Variants in TMEM39A observed in about 807,000 individuals in gnomAD.
TMEM39A encodes suppressor of SQST-1 aggregates in rpl-43 mutants.
TMEM39A carries 19 observed loss-of-function variants against 51.9 expected under a neutral mutation model. That is an observed-to-expected ratio of 0.37 (90% CI 0.26 to 0.54). The LOEUF (loss-of-function observed/expected upper bound fraction) is 0.54. Among genes scored for constraint, TMEM39A ranks in the 20% least tolerant of loss-of-function variants. TMEM39A has a pLI of 0.88. For missense variants in TMEM39A, 433 were observed against 590.5 expected (o/e 0.73, Z 2.76); for synonymous variants, 197 against 220.2 (o/e 0.89, Z 0.93).
At chr3:119,446,798 T>G (rs925011488) in intron 5 of TMEM39A, 9 of 485,632 alleles carry the variant, frequency 1.9e-5, no homozygotes, top group African/African-American at 1.6e-4. Flanking sequence ...CACCCTACAT[T>G]CCAGGTTTCC....
rs993104349 is a variant in TMEM39A at position 119,457,034 on chromosome 3, G to A, written c.336+984C>T. Among the ~76,000 whole-genome samples the A allele has an allele frequency of 2.7e-4, 40 of 149,836 alleles. 1 individual carries two copies. The highest frequency in any genetic ancestry group is 7.4e-4 in the Admixed American group (11 of 14,926). Reference sequence around the variant, plus strand: ...CGCCCAGGCTGGAGTGCAGCGGCTCGATTTCGGCTCACTGCAAGCTCCACC... The same window carrying A: ...CGCCCAGGCTGGAGTGCAGCGGCTCAATTTCGGCTCACTGCAAGCTCCACC... On this transcript the variant is annotated intron_variant, in intron 3 of 8. Transcript: ENST00000319172.
chr3:119,435,433 AC>A (rs2080955526), intron 7 of TMEM39A: 2 of 983,758 alleles, frequency 2.0e-6, no homozygotes, highest in African/African-American at 3.5e-5. Flanking sequence ...TACATCTCAC[AC>A]ACACACACAG....
intron 3 of TMEM39A, among the ~76,000 whole-genome samples, chr3:119,454,192 G>T (rs752719901): frequency 6.6e-6 from 1 of 152,180 alleles, no homozygotes; most frequent in Non-Finnish European, 1.5e-5. Context: ...CTTTTAATTC[G>T]AGTGAAAAAT....
At chr3:119,439,882 C>T (rs547720759) in intron 5 of TMEM39A, among the ~76,000 whole-genome samples, 1 of 152,232 alleles carries the variant, frequency 6.6e-6, no homozygotes, top group South Asian at 2.1e-4. Context: ...ATTCTCCCGC[C>T]TCAGCCTCCT....
chr3:119,432,218 T>G lies in TMEM39A; in HGVS notation c.1234-4A>C. On this transcript the variant is annotated splice_region_variant and splice_polypyrimidine_tract_variant and intron_variant, in intron 8 of 8. Coordinates refer to ENST00000319172, the MANE Select transcript of TMEM39A (RefSeq NM_018266.3). Reference sequence around the variant, plus strand: ...TTAATGGTCGATGAAATAAGAACTGTAAGGAAGTTAAAAAAGTAAAACATT... The same window carrying G: ...TTAATGGTCGATGAAATAAGAACTGGAAGGAAGTTAAAAAAGTAAAACATT... 6.3e-7 allele frequency: 1 copy of G among 1,589,520 alleles called. No individual in the cohort carries two copies. The highest frequency in any genetic ancestry group is 8.6e-7 in the Non-Finnish European group (1 of 1,164,570).
chr3:119,434,228 A>G (rs2080938363), intron 8 of TMEM39A, among the ~76,000 whole-genome samples: 1 of 152,168 alleles, frequency 6.6e-6, no homozygotes, highest in South Asian at 2.1e-4. Context: ...AATGGAATGT[A>G]GTGGGTTTCT....
intron 4 of TMEM39A, among the ~76,000 whole-genome samples, chr3:119,451,713 C>T (rs1220029191): frequency 2.0e-5 from 3 of 151,010 alleles, no homozygotes; most frequent in Admixed American, 6.6e-5. Flanking sequence ...GCCTGTAATC[C>T]CAGCTACTTG....
intron 5 of TMEM39A, among the ~76,000 whole-genome samples, chr3:119,442,970 G>A (rs2081075020): frequency 6.6e-6 from 1 of 151,806 alleles, no homozygotes; most frequent in Non-Finnish European, 1.5e-5. Flanking sequence ...AGAGGCTGAG[G>A]TGGGAGGATC....
Position 119,462,442 on chromosome 3 carries a change from ATCACACCTTATACATT to A in TMEM39A, c.-74-310_-74-295del, listed in dbSNP as rs532937340. ...AATCAAATAGAAGTTTACAAGAAAC[ATCACACCTTATACATT>A]TCCAGCTCAATGTTTCACACTTAAA... On this transcript the variant is annotated intron_variant, in intron 1 of 8. Coordinates refer to ENST00000319172, the MANE Select transcript of TMEM39A (RefSeq NM_018266.3). Among the ~76,000 whole-genome samples, 38 of 152,330 alleles carry A rather than the reference ATCACACCTTATACATT, an allele frequency of 2.5e-4. No homozygotes were observed. The South Asian group carries it at 7.2e-3, about 29-fold the overall frequency.
At position 119,434,822 on chromosome 3, in the gene TMEM39A, A is replaced by G; in HGVS notation, c.1173T>C (p.Tyr391=). The G allele has an allele frequency of 3.1e-6, 5 of 1,613,856 alleles. No individual in the cohort carries two copies. Among genetic ancestry groups the G allele is most frequent in the Non-Finnish European group, 4.2e-6 (5 of 1,179,742 alleles). The change falls in exon 8 of 9, where the codon TAT becomes TAC. Residue 391 remains tyrosine (Y), a synonymous_variant. Coordinates refer to ENST00000319172, the MANE Select transcript of TMEM39A (RefSeq NM_018266.3). ...CCACGTTGTAAGGCCCCATGGCTCT[A>G]TATAAACATCTGCTGTGCCGCACCA... ...GVLVRHSRCL[Y]RAMGPYNVAV...
chr3:119,436,538 G>C (rs2080970025), intron 7 of TMEM39A: 4 of 353,092 alleles, frequency 1.1e-5, no homozygotes, highest in Non-Finnish European at 2.1e-5. Flanking sequence ...CAAGTGCATT[G>C]CTTGGGAGAC....
chr3:119,435,946 C>T, intron 7 of TMEM39A: 1 of 1,289,090 alleles, frequency 7.8e-7, no homozygotes, highest in Non-Finnish European at 1.0e-6. Context: ...CTGTATCAGA[C>T]ATCAAGGCAG....
chr3:119,452,648 A>G (rs2081215636), intron 3 of TMEM39A, 118 bp from the exon 4 acceptor site: 2 of 692,406 alleles, frequency 2.9e-6, no homozygotes, highest in Non-Finnish European at 4.9e-6. Flanking sequence ...ACACCCTTAC[A>G]GATTATGGGA....
At chr3:119,436,396 G>A (rs958598012) in intron 7 of TMEM39A, among the ~76,000 whole-genome samples, 2 of 152,214 alleles carry the variant, frequency 1.3e-5, no homozygotes, top group Non-Finnish European at 2.9e-5. Context: ...CCAGCTAAGT[G>A]TGAGATGAAT....
Position 119,429,022 on chromosome 3 carries a change from T to C in TMEM39A, c.*2959A>G, listed in dbSNP as rs1454868924. 6.6e-6 allele frequency among the ~76,000 whole-genome samples: 1 copy of C among 152,118 alleles called. No homozygotes were observed. Among genetic ancestry groups the C allele is most frequent in the Admixed American group, 6.6e-5 (1 of 15,248 alleles). ...AGATTGTTAATAGATCTGATATCTA[T>C]TACGTATCTCATACATATTTCTGTT... is the stretch of plus-strand genomic sequence containing the variant. On this transcript the variant is annotated 3_prime_UTR_variant, in exon 9 of 9. Transcript: ENST00000319172.
chr3:119,448,446 G>A (rs796300643), intron 4 of TMEM39A, among the ~76,000 whole-genome samples: 7 of 152,066 alleles, frequency 4.6e-5, no homozygotes, highest in East Asian at 3.8e-4. Flanking sequence ...CTATATATCC[G>A]TTTCTTAGTT....
At chr3:119,439,602 T>C (rs2081023016) in intron 5 of TMEM39A, among the ~76,000 whole-genome samples, 1 of 150,490 alleles carries the variant, frequency 6.6e-6, no homozygotes, top group African/African-American at 2.4e-5. Flanking sequence ...AAAAAAGATA[T>C]TTAGTTATAC....
chr3:119,462,246 G>A lies in TMEM39A; in HGVS notation c.-74-98C>T, dbSNP rs375582328. 1,710 of 567,988 alleles carry A rather than the reference G, an allele frequency of 3.0e-3. 30 individuals carry two copies. The South Asian group carries it at 0.033, about 11-fold the overall frequency. The allele number at this position is 567,988 out of a possible 1,614,324, so 35.2% of individuals were successfully genotyped here. ...TGAGTAAGCAGGCCTTACAAAATAA[G>A]ATTTTCAAACGAATGTTCCCAGTGT... On this transcript the variant is annotated intron_variant, in intron 1 of 8. Transcript: ENST00000319172.
chr3:119,437,536 A>G (rs927772519), intron 6 of TMEM39A, among the ~76,000 whole-genome samples: 5 of 151,574 alleles, frequency 3.3e-5, no homozygotes, highest in Non-Finnish European at 5.9e-5. Flanking sequence ...AAAAAAAAAA[A>G]AAAAGAAAAA....
Sources: allele counts gnomAD v4.1 joint callset (sites outside exome capture counted in the v4.1 genomes callset), GRCh38; gene constraint gnomAD v4.1.1; transcripts MANE v1.5; gene names NCBI Gene and HGNC (gene_info 2026-07-23, HGNC 2026-07-21).